FMN1: variants seen among roughly 807,000 people sequenced by gnomAD.
FMN1 encodes formin-1.
FMN1 carries 110 observed loss-of-function variants against 132.4 expected under a neutral mutation model. That is an observed-to-expected ratio of 0.83 (90% CI 0.71 to 0.97). FMN1 has a LOEUF of 0.97. Among genes scored for constraint, FMN1 ranks in the 50% least tolerant of loss-of-function variants. The pLI is 0.00. For synonymous variants in FMN1, 722 were observed against 651.7 expected (o/e 1.11, Z -1.64); for missense variants, 1,792 against 1,705.3 (o/e 1.05, Z -0.90).
intron 16 of FMN1, 81 bp from the exon 17 acceptor site, chr15:32,857,188 C>T: frequency 9.3e-7 from 1 of 1,075,614 alleles, no homozygotes; most frequent in Non-Finnish European, 1.4e-6. Context: ...GTGCTATGCA[C>T]TTGGCTATCA....
chr15:32,863,382 C>A (rs879892973), intron 16 of FMN1, among the ~76,000 whole-genome samples: 1 of 151,986 alleles, frequency 6.6e-6, no homozygotes, highest in Non-Finnish European at 1.5e-5. Context: ...TGCAGTGAGC[C>A]GAGATTGTGC....
At chr15:33,048,631 C>CAAAAAAAAAAAAA in intron 6 of FMN1, among the ~76,000 whole-genome samples, 1 of 43,440 alleles carries the variant, frequency 2.3e-5, no homozygotes, top group Non-Finnish European at 5.0e-5. Context: ...GGCAATTTAC[C>CAAAAAAAAAAAAA]AAAAAAAAAA....
intron 17 of FMN1, 80 bp downstream of exon 17, chr15:32,856,935 G>A (rs2059145459): frequency 1.0e-6 from 1 of 993,814 alleles, no homozygotes; most frequent in Admixed American, 1.8e-5. Flanking sequence ...GATGCCAGGG[G>A]CCGTGGGCCT....
chr15:32,960,887 C>T (rs142821492), intron 9 of FMN1, among the ~76,000 whole-genome samples: 2,057 of 148,014 alleles, frequency 0.014, 49 homozygotes, highest in African/African-American at 0.048. Flanking sequence ...CCTAGCTACT[C>T]GGGAGGCTGA....
intron 7 of FMN1, among the ~76,000 whole-genome samples, chr15:32,969,843 G>C (rs1338034388): frequency 6.6e-6 from 1 of 151,962 alleles, no homozygotes. Context: ...ACAACTTTTC[G>C]GGTTGGTTTC....
At chr15:33,161,176 T>G (rs1256502466) in intron 3 of FMN1, among the ~76,000 whole-genome samples, 1 of 152,214 alleles carries the variant, frequency 6.6e-6, no homozygotes, top group African/African-American at 2.4e-5. Flanking sequence ...CTGTATTCCA[T>G]TTCTAAACTG....
At chr15:32,811,669 CTTT>C (rs61341012) in intron 17 of FMN1, among the ~76,000 whole-genome samples, 1 of 145,236 alleles carries the variant, frequency 6.9e-6, no homozygotes, top group Admixed American at 6.9e-5. Flanking sequence ...ATTTTATTTG[CTTT>C]TTTTTTTTTT....
chr15:32,776,961 G>A, intron 19 of FMN1, 42 bp from the exon 20 acceptor site: 1 of 1,193,376 alleles, frequency 8.4e-7, no homozygotes, highest in Non-Finnish European at 1.2e-6. Context: ...AGAGGGAAAA[G>A]AAAGGAAGAG....
chr15:32,946,152 G>A (rs2061505918), intron 9 of FMN1, among the ~76,000 whole-genome samples: 1 of 152,130 alleles, frequency 6.6e-6, no homozygotes, highest in Non-Finnish European at 1.5e-5. Flanking sequence ...TTTTGTTAGG[G>A]TTTGCGGTGT....
chr15:33,128,045 G>A (rs1595537421), intron 4 of FMN1, among the ~76,000 whole-genome samples: 2 of 152,116 alleles, frequency 1.3e-5, no homozygotes, highest in Admixed American at 1.3e-4. Context: ...ACACGACACA[G>A]GTCAGGTGAC....
At chr15:32,921,932 C>T (rs140197781) in intron 10 of FMN1, among the ~76,000 whole-genome samples, 116 of 152,228 alleles carry the variant, frequency 7.6e-4, no homozygotes, top group African/African-American at 2.5e-3. Flanking sequence ...CTTGGCCTCC[C>T]GAAGTCAGGG....
chr15:33,015,575 T>C (rs924430252), intron 6 of FMN1, among the ~76,000 whole-genome samples: 2 of 152,190 alleles, frequency 1.3e-5, no homozygotes, highest in South Asian at 2.1e-4. Flanking sequence ...GTAGAAACTT[T>C]CTGAATTCTC....
At chr15:32,932,296 G>A (rs1342725898) in intron 9 of FMN1, among the ~76,000 whole-genome samples, 1 of 152,202 alleles carries the variant, frequency 6.6e-6, no homozygotes, top group East Asian at 1.9e-4. Context: ...AGCTACTTGG[G>A]AGGCTGAGGC....
At chr15:33,070,840 A>G (rs536211707) in intron 5 of FMN1, among the ~76,000 whole-genome samples, 5 of 152,226 alleles carry the variant, frequency 3.3e-5, no homozygotes, top group Non-Finnish European at 7.3e-5. Context: ...TAATACAGAT[A>G]ACAACCATAT....
At chr15:33,172,665 T>C (rs78744014) in intron 3 of FMN1, among the ~76,000 whole-genome samples, 5,012 of 152,294 alleles carry the variant, frequency 0.033, 146 homozygotes, top group East Asian at 0.12. Context: ...CTTCACTTTA[T>C]GGATCATAAA....
chr15:33,051,263 T>C (rs1415943328), intron 6 of FMN1, among the ~76,000 whole-genome samples: 1 of 152,146 alleles, frequency 6.6e-6, no homozygotes, highest in Non-Finnish European at 1.5e-5. Flanking sequence ...TTAATCAGAA[T>C]TGAATAAAAC....
At chr15:33,121,236 A>C (rs1263081816) in intron 4 of FMN1, among the ~76,000 whole-genome samples, 1 of 152,236 alleles carries the variant, frequency 6.6e-6, no homozygotes, top group Non-Finnish European at 1.5e-5. Flanking sequence ...TTGAAACAAA[A>C]AGTATTCTGC....
At chr15:32,986,484 A>C (rs1158208497) in intron 7 of FMN1, among the ~76,000 whole-genome samples, 3 of 152,136 alleles carry the variant, frequency 2.0e-5, no homozygotes, top group Non-Finnish European at 4.4e-5. Context: ...TTAAAAACAG[A>C]TCTCTTCTTT....
chr15:32,921,484 T>C (rs1567396032), intron 10 of FMN1, among the ~76,000 whole-genome samples: 1 of 152,156 alleles, frequency 6.6e-6, no homozygotes, highest in Non-Finnish European at 1.5e-5. Context: ...TAGATATTGC[T>C]GCATTCAAAA....
Sources: gnomAD v4.1 joint callset for allele counts (sites outside exome capture counted in the v4.1 genomes callset) on GRCh38, gnomAD v4.1.1 for gene constraint, MANE v1.5 for transcripts, NCBI Gene and HGNC (gene_info 2026-07-23, HGNC 2026-07-21) for gene names.